PINX1: variants seen among roughly 807,000 people sequenced by gnomAD.
The protein encoded by PINX1 is PIN2 (TERF1) interacting telomerase inhibitor 1.
Under a neutral mutation model 25.4 loss-of-function variants are expected in PINX1, and 34 were observed. That is an observed-to-expected ratio of 1.34 (90% CI 1.02 to 1.78). The LOEUF is 1.78. Among genes scored for constraint, PINX1 ranks in the 40% most tolerant of loss-of-function variants. PINX1 has a pLI of 0.00. For synonymous variants in PINX1, 197 were observed against 147.7 expected (o/e 1.33, Z -2.42); for missense variants, 592 against 404.9 (o/e 1.46, Z -3.97).
intron 6 of PINX1, chr8:10,787,794 G>C (rs1198938758): frequency 2.2e-6 from 1 of 455,890 alleles, no homozygotes; most frequent in African/African-American, 2.0e-5. Context: ...AATTCTGTAA[G>C]ACAAGGAATC....
intron 6 of PINX1, among the ~76,000 whole-genome samples, chr8:10,770,301 C>G (rs1801183507): frequency 6.6e-6 from 1 of 152,172 alleles, no homozygotes; most frequent in South Asian, 2.1e-4. Context: ...ACGATTAGAG[C>G]TGGAGAATCT....
intron 6 of PINX1, among the ~76,000 whole-genome samples, chr8:10,786,019 G>A (rs945543967): frequency 2.6e-5 from 4 of 152,204 alleles, no homozygotes; most frequent in Admixed American, 6.5e-5. Flanking sequence ...GCTAGACCAC[G>A]GTGAGTAAAA....
At position 10,765,721 on chromosome 8, in the gene PINX1, C is replaced by T; in HGVS notation, c.667G>A (p.Asp223Asn). 6.2e-7 allele frequency: 1 copy of T among 1,613,982 alleles called. No homozygotes were observed. The highest frequency in any genetic ancestry group is 8.5e-7 in the Non-Finnish European group (1 of 1,179,854). ...TTAGGCTGGAGGTAACTTTCCACAT[C>T]TTTACCTGTGGCCTCTTTATTTCTT... ...KKRNKEATGK[D>N]VESYLQPKAK... Residue 223 changes from aspartate (D) to asparagine (N), a missense_variant, in exon 7 of 7, where the codon GAT (aspartate) becomes AAT (asparagine). By Grantham distance (23) the Asp-to-Asn change is conservative. Transcript: ENST00000314787.
chr8:10,765,377 CGGAAGGCCCCGGCTG>C lies in PINX1; in HGVS notation c.*9_*23del, dbSNP rs1800996696. 2 of 1,557,454 alleles carry C rather than the reference CGGAAGGCCCCGGCTG, an allele frequency of 1.3e-6. No homozygotes were observed. The highest frequency in any genetic ancestry group is 2.7e-5 in the African/African-American group (2 of 73,836). On this transcript the variant is annotated 3_prime_UTR_variant, in exon 7 of 7. Coordinates refer to ENST00000314787, the MANE Select transcript of PINX1 (RefSeq NM_017884.6). ...CGCAGTGCCCTGACAGCTGAGTGGT[CGGAAGGCCCCGGCTG>C]GGAAGGATTCATTTGGAATCTTTCT...
chr8:10,828,273 T>C (rs1335368966), intron 4 of PINX1, among the ~76,000 whole-genome samples: 1 of 152,230 alleles, frequency 6.6e-6, no homozygotes, highest in Admixed American at 6.5e-5. Context: ...GCACTTCATA[T>C]GGCACATAAC....
At chr8:10,766,102 G>A (rs938236976) in intron 6 of PINX1, among the ~76,000 whole-genome samples, 186 bp from the exon 7 acceptor site, 1 of 152,100 alleles carries the variant, frequency 6.6e-6, no homozygotes, top group Non-Finnish European at 1.5e-5. Context: ...TCTCCCTTCT[G>A]GTCGGCCTGA....
intron 2 of PINX1, chr8:10,833,646 G>A (rs183793626): frequency 0.015 from 561 of 37,642 alleles, no homozygotes; most frequent in Non-Finnish European, 0.019. Flanking sequence ...GAAGAATGAC[G>A]ACTGGGGTGC....
intron 6 of PINX1, among the ~76,000 whole-genome samples, chr8:10,795,520 C>T (rs1216158973): frequency 6.6e-6 from 1 of 152,242 alleles, no homozygotes; most frequent in African/African-American, 2.4e-5. Context: ...CCTGCCTCAG[C>T]ATCCCAAGTA....
intron 1 of PINX1, among the ~76,000 whole-genome samples, chr8:10,835,890 T>C (rs80301847): frequency 0.039 from 5,907 of 152,188 alleles, 200 homozygotes; most frequent in East Asian, 0.16. Flanking sequence ...AAATTACTGA[T>C]CATTATGAAC....
chr8:10,810,363 C>A (rs1489339679), intron 6 of PINX1, among the ~76,000 whole-genome samples: 2 of 152,176 alleles, frequency 1.3e-5, no homozygotes, highest in South Asian at 2.1e-4. Flanking sequence ...GTGGCTCATG[C>A]TGCTTTTGCC....
chr8:10,773,697 G>C (rs1801301309), intron 6 of PINX1, among the ~76,000 whole-genome samples: 1 of 152,016 alleles, frequency 6.6e-6, no homozygotes, highest in Non-Finnish European at 1.5e-5. Context: ...TATTCCGATT[G>C]CCACTTATTA....
intron 5 of PINX1, among the ~76,000 whole-genome samples, chr8:10,821,511 T>G (rs1797867038): frequency 6.6e-6 from 1 of 152,148 alleles, no homozygotes; most frequent in African/African-American, 2.4e-5. Flanking sequence ...GCTTTTCATT[T>G]ATGATTAAAT....
chr8:10,823,958 C>T (rs143500644), intron 5 of PINX1, among the ~76,000 whole-genome samples: 1 of 152,346 alleles, frequency 6.6e-6, no homozygotes, highest in East Asian at 1.9e-4. Context: ...ACAATTGCAT[C>T]TTCCTGTTTG....
intron 6 of PINX1, among the ~76,000 whole-genome samples, chr8:10,793,696 A>G (rs1264880329): frequency 3.3e-5 from 5 of 152,142 alleles, no homozygotes; most frequent in African/African-American, 1.2e-4. Flanking sequence ...ATTAATTTCA[A>G]TAGCCAGAAA....
chr8:10,836,243 A>G (rs1338763925), intron 1 of PINX1, among the ~76,000 whole-genome samples: 3 of 149,752 alleles, frequency 2.0e-5, no homozygotes, highest in Middle Eastern at 6.8e-3. Context: ...AAGGCCCTTA[A>G]CAAAGCAAAA....
chr8:10,834,109 G>A (rs1167695500), intron 2 of PINX1, among the ~76,000 whole-genome samples: 5 of 152,126 alleles, frequency 3.3e-5, no homozygotes, highest in African/African-American at 1.2e-4. Context: ...AGGGGCCTGA[G>A]GTTGAGCCTC....
At chr8:10,825,671 G>A (rs1186345645) in intron 5 of PINX1, among the ~76,000 whole-genome samples, 2 of 152,170 alleles carry the variant, frequency 1.3e-5, no homozygotes, top group East Asian at 3.8e-4. Flanking sequence ...GTGAAATGGA[G>A]AAATTACGTG....
intron 6 of PINX1, among the ~76,000 whole-genome samples, chr8:10,796,861 C>G (rs539793395): frequency 2.6e-5 from 4 of 152,184 alleles, no homozygotes; most frequent in African/African-American, 9.6e-5. Flanking sequence ...CATGTTTAAT[C>G]TGTGTTTCCC....
intron 1 of PINX1, among the ~76,000 whole-genome samples, chr8:10,838,742 G>A (rs1403200522): frequency 6.6e-6 from 1 of 152,184 alleles, no homozygotes; most frequent in Admixed American, 6.5e-5. Context: ...GTCTCCGCTG[G>A]TCTTACTGGC....
Sources: gnomAD v4.1 joint callset for allele counts (sites outside exome capture counted in the v4.1 genomes callset) on GRCh38, gnomAD v4.1.1 for gene constraint, MANE v1.5 for transcripts, NCBI Gene and HGNC (gene_info 2026-07-23, HGNC 2026-07-21) for gene names.